PHF20L1: variants seen among roughly 807,000 people sequenced by gnomAD.
PHF20L1 encodes the protein PHD finger protein 20 like 1, also known as PHD finger protein 20-like protein 1.
Under a neutral mutation model 125.5 loss-of-function variants are expected in PHF20L1, and 44 were observed. The ratio of observed to expected loss-of-function variants is 0.35; its 90% CI spans 0.28 to 0.45. PHF20L1 has a LOEUF of 0.45. Among genes scored for constraint, PHF20L1 ranks in the 20% least tolerant of loss-of-function variants. PHF20L1 has a pLI of 1.00. For missense variants in PHF20L1, 1,012 were observed against 1,217.2 expected, an observed-to-expected ratio of 0.83 and a Z score of 2.51; for synonymous variants, 380 against 403.1, an observed-to-expected ratio of 0.94 and a Z score of 0.69.
chr8:132,817,118 G>A, intron 11 of PHF20L1, 42 bp downstream of exon 11: 2 of 1,256,354 alleles, frequency 1.6e-6, no homozygotes, highest in Non-Finnish European at 2.2e-6. Context: ...CATAAAAGAA[G>A]ATAAAGAAAA....
rs1486571109 is a variant in PHF20L1 at position 132,803,904 on chromosome 8, A to G, written c.593A>G (p.Asn198Ser). 5.0e-6 allele frequency: 8 copies of G among 1,611,316 alleles called. No homozygotes were observed. Among genetic ancestry groups the G allele is most frequent in the African/African-American group, 1.3e-5 (1 of 74,802 alleles). The change falls in exon 7 of 21, where the codon AAT becomes AGT. Residue 198 changes from asparagine to serine, a missense_variant. Physicochemically the swap from Asn to Ser is conservative, Grantham distance 46. Coordinates refer to ENST00000395386, the MANE Select transcript of PHF20L1 (RefSeq NM_016018.5). ...AAACCTCGAACCAGCGCTAACAGCA[A>G]TAAAGATAAGGATAAAGATGAGAGA... Reference protein sequence around the residue: ...GSKPRTSANSNKDKDKDERKW... With the variant: ...GSKPRTSANSSKDKDKDERKW...
At chr8:132,845,520 T>C (rs554178053) in intron 20 of PHF20L1, among the ~76,000 whole-genome samples, 8 of 152,138 alleles carry the variant, frequency 5.3e-5, no homozygotes, top group African/African-American at 1.4e-4. Context: ...TTCCCCCTTA[T>C]ATATAAAAAT....
intron 8 of PHF20L1, 121 bp downstream of exon 8, chr8:132,804,861 C>T: frequency 4.9e-6 from 4 of 824,156 alleles, no homozygotes; most frequent in Non-Finnish European, 7.6e-6. Context: ...ATAACAAAGA[C>T]AATTACTTTG....
chr8:132,807,569 C>G (rs1833878152), intron 8 of PHF20L1: 1 of 358,496 alleles, frequency 2.8e-6, no homozygotes, highest in Non-Finnish European at 5.4e-6. Flanking sequence ...ATAATAATAT[C>G]AAGAATATTT....
intron 6 of PHF20L1, among the ~76,000 whole-genome samples, chr8:132,800,781 T>TTA (rs1832955288): frequency 6.6e-6 from 1 of 151,644 alleles, no homozygotes; most frequent in Non-Finnish European, 1.5e-5. Flanking sequence ...TCTGCTTGCA[T>TTA]TAAGAGTTTA....
At position 132,846,728 on chromosome 8, in the gene PHF20L1, C is replaced by T. The variant is rs534093496; in HGVS notation, c.*805C>T. 5 of 152,326 alleles carry T rather than the reference C, an allele frequency of 3.3e-5. No homozygotes were observed. In the Admixed American group the frequency reaches 3.3e-4, roughly 10 times the overall value. The allele number at this position is 152,326 out of a possible 1,614,324, so 9.4% of individuals were successfully genotyped here. On this transcript the variant is annotated 3_prime_UTR_variant, in exon 21 of 21. Coordinates refer to ENST00000395386, the MANE Select transcript of PHF20L1 (RefSeq NM_016018.5). ...CATAATGCCACCAGTCCATCCAAAA[C>T]CTATATATCACCTATACTATATATA...
intron 1 of PHF20L1, among the ~76,000 whole-genome samples, chr8:132,775,860 CT>C (rs994080024): frequency 6.6e-6 from 1 of 152,150 alleles, no homozygotes; most frequent in African/African-American, 2.4e-5. Context: ...CTGGAGGCTT[CT>C]CCAGCTCCCT....
intron 6 of PHF20L1, 35 bp downstream of exon 6, chr8:132,799,207 T>C: frequency 7.5e-7 from 1 of 1,325,624 alleles, no homozygotes; most frequent in South Asian, 1.3e-5. Context: ...TTGTTTTGTT[T>C]TTCCTGGTAT....
intron 2 of PHF20L1, 56 bp from the exon 3 acceptor site, chr8:132,794,354 T>C (rs1832143558): frequency 9.1e-7 from 1 of 1,102,548 alleles, no homozygotes; most frequent in Admixed American, 1.9e-5. Context: ...TGTATAATGC[T>C]TTGTATAAAC....
At chr8:132,813,272 ATAAT>A (rs1419913520) in intron 9 of PHF20L1, 10 of 190,526 alleles carry the variant, frequency 5.2e-5, no homozygotes, top group Non-Finnish European at 9.7e-5. Flanking sequence ...ACCTTTTCAA[ATAAT>A]TAATCTGCAC....
chr8:132,820,483 A>G (rs1431585321), intron 12 of PHF20L1, among the ~76,000 whole-genome samples: 1 of 151,930 alleles, frequency 6.6e-6, no homozygotes, highest in Non-Finnish European at 1.5e-5. Context: ...AATAACTGAA[A>G]TACAAATATT....
chr8:132,817,160 G>T, intron 11 of PHF20L1, 84 bp downstream of exon 11: 1 of 956,672 alleles, frequency 1.0e-6, no homozygotes, highest in Non-Finnish European at 1.5e-6. Context: ...AAAATATTAA[G>T]ATATTTCTGC....
At chr8:132,818,941 A>G in intron 12 of PHF20L1, 1 of 152,044 alleles carries the variant, frequency 6.6e-6, no homozygotes, top group South Asian at 2.1e-4. Context: ...TTGTAACAAT[A>G]TTGAAATATA....
chr8:132,811,581 G>A (rs752572897), intron 9 of PHF20L1: 13 of 983,492 alleles, frequency 1.3e-5, no homozygotes, highest in Non-Finnish European at 1.6e-5. Context: ...ATACATTTTT[G>A]CTAGGATGTA....
Position 132,775,531 on chromosome 8 carries a change from CT to C in PHF20L1, c.-151del. 2.7e-6 allele frequency: 1 copy of C among 372,886 alleles called. No homozygotes were observed. The highest frequency in any genetic ancestry group is 2.1e-5 in the African/African-American group (1 of 47,566). The allele number at this position is 372,886 out of a possible 1,614,324, so 23.1% of individuals were successfully genotyped here. A position where few individuals can be genotyped will look rare whatever the true frequency, so the allele number is the denominator to read the frequency against. On this transcript the variant is annotated 5_prime_UTR_variant, in exon 1 of 21. Coordinates refer to ENST00000395386, the MANE Select transcript of PHF20L1 (RefSeq NM_016018.5). ...CCCCAGCTCGCTCCGCTCCTGCTCC[CT>C]CCCCGGCCGCTGCCTGGGCGGAGGC...
At chr8:132,812,926 TC>T in intron 9 of PHF20L1, 1 of 962,292 alleles carries the variant, frequency 1.0e-6, no homozygotes, top group Non-Finnish European at 1.2e-6. Flanking sequence ...GAACCCCAAT[TC>T]TCAGCTTATT....
intron 1 of PHF20L1, 51 bp from the exon 2 acceptor site, chr8:132,777,741 A>G: frequency 6.2e-6 from 5 of 812,664 alleles, no homozygotes; most frequent in Non-Finnish European, 4.3e-6. Flanking sequence ...CTTATACTCT[A>G]CTTCCTATGC....
intron 17 of PHF20L1, chr8:132,838,383 A>C (rs544324454): frequency 6.4e-6 from 1 of 155,576 alleles, no homozygotes; most frequent in African/African-American, 2.4e-5. Context: ...ATTGTAGAGC[A>C]GGTGGGGTCT....
intron 2 of PHF20L1, among the ~76,000 whole-genome samples, chr8:132,789,332 A>G (rs1302827676): frequency 6.6e-6 from 1 of 152,134 alleles, no homozygotes; most frequent in Non-Finnish European, 1.5e-5. Context: ...ATAATATGCT[A>G]TAGGAGTTTA....
Sources: allele counts gnomAD v4.1 joint callset (sites outside exome capture counted in the v4.1 genomes callset), GRCh38; gene constraint gnomAD v4.1.1; transcripts MANE v1.5; gene names NCBI Gene and HGNC (gene_info 2026-07-23, HGNC 2026-07-21).